Variants in CSNK1D observed in about 807,000 individuals in gnomAD.
CSNK1D encodes casein kinase 1 delta.
CSNK1D carries 16 observed loss-of-function variants against 46.6 expected under a neutral mutation model. The observed-to-expected ratio is 0.34, with a 90% CI of 0.23 to 0.52. The LOEUF (loss-of-function observed/expected upper bound fraction) is 0.52, where lower values mean the gene tolerates loss of function less well. Ranked by LOEUF, CSNK1D falls within the 20% of genes least tolerant of loss-of-function variation. CSNK1D has a pLI of 0.95. For synonymous variants in CSNK1D, 276 were observed against 228.2 expected, an observed-to-expected ratio of 1.21 and a Z score of -1.89; for missense variants, 398 against 578.4, an observed-to-expected ratio of 0.69 and a Z score of 3.20.
rs368699272 is a variant in CSNK1D, at chr17:82,265,806, G to C, written c.77-10C>G. 1 of 1,607,710 alleles carries C rather than the reference G, an allele frequency of 6.2e-7. No individual in the cohort carries two copies. Among genetic ancestry groups the C allele is most frequent in the Non-Finnish European group, 8.5e-7 (1 of 1,174,176 alleles). ...GCAGCAATGTCCGTACCTTGGCAAA[G>C]AAAGAAAACCACAACAGGAATTACC... On this transcript the variant is annotated splice_polypyrimidine_tract_variant and intron_variant, in intron 1 of 8. Coordinates refer to ENST00000314028, the MANE Select transcript of CSNK1D (RefSeq NM_001893.6).
chr17:82,254,508 G>C (rs1422355529), intron 3 of CSNK1D: 75 of 181,476 alleles, frequency 4.1e-4, no homozygotes, highest in African/African-American at 1.3e-3. Context: ...AGAAGCCAGT[G>C]AGCTGAGCCG....
At chr17:82,245,357 G>C in intron 8 of CSNK1D, 1 of 248,836 alleles carries the variant, frequency 4.0e-6, no homozygotes, top group East Asian at 1.0e-4. Flanking sequence ...CGACGGCGGG[G>C]AGTGAGTGGG....
At chr17:82,262,960 G>A (rs969621645) in intron 2 of CSNK1D, among the ~76,000 whole-genome samples, 18 of 152,174 alleles carry the variant, frequency 1.2e-4, no homozygotes, top group Non-Finnish European at 5.9e-5. Context: ...TGGGCAGATC[G>A]CCTGAGATCA....
At position 82,249,880 on chromosome 17, in the gene CSNK1D, A is replaced by G. The variant is rs1358013052; in HGVS notation, c.886-278T>C. The G allele has an allele frequency of 1.4e-6, 2 of 1,379,744 alleles. No individual in the cohort carries two copies. The highest frequency in any genetic ancestry group is 2.8e-5 in the East Asian group (1 of 35,150). 85.5% of individuals were successfully genotyped at this position (1,379,744 alleles called of 1,614,324 possible). Reference sequence around the variant, plus strand: ...GCTCAGAACTTCCTTAAACTTCCAAATGGGCAGCAGCTACCCCCTGCTGCT... The same window carrying G: ...GCTCAGAACTTCCTTAAACTTCCAAGTGGGCAGCAGCTACCCCCTGCTGCT... On this transcript the variant is annotated intron_variant, in intron 6 of 8. Coordinates refer to ENST00000314028, the MANE Select transcript of CSNK1D (RefSeq NM_001893.6). The surrounding 1 kb of genome is among the most constrained non-coding windows in gnomAD (Gnocchi z 6.7).
chr17:82,241,227 G>C (rs2050738005), downstream of CSNK1D, among the ~76,000 whole-genome samples: 1 of 152,206 alleles, frequency 6.6e-6, no homozygotes, highest in African/African-American at 2.4e-5. Context: ...AACAGCCCTG[G>C]AACAGATGTG....
In CSNK1D at chr17:82,252,915, C is replaced by T; in HGVS notation, c.565+101G>A. 8.9e-7 allele frequency: 1 copy of T among 1,118,160 alleles called. No homozygotes were observed. Among genetic ancestry groups the T allele is most frequent in the Non-Finnish European group, 1.3e-6 (1 of 750,736 alleles). 69.3% of individuals were successfully genotyped at this position (1,118,160 alleles called of 1,614,324 possible). ...TCTGCCGCAAAGGTCTGATGACACG[C>T]TTGCAGCCCCAGCTCCCCGAGAGGC... On this transcript the variant is annotated intron_variant, in intron 4 of 8. Transcript: ENST00000314028. The surrounding 1 kb of genome is among the most constrained non-coding windows in gnomAD (Gnocchi z 4.6).
At chr17:82,239,754 CTG>C (rs1318290538), downstream of CSNK1D, 1 of 391,482 alleles carries the variant, frequency 2.6e-6, no homozygotes. Flanking sequence ...TTATTCACTG[CTG>C]TGTTTAAGAA....
In CSNK1D at chr17:82,252,972, C is replaced by T; in HGVS notation, c.565+44G>A. 6.3e-7 allele frequency: 1 copy of T among 1,583,592 alleles called. No homozygotes were observed. The highest frequency in any genetic ancestry group is 8.7e-7 in the Non-Finnish European group (1 of 1,153,712). ...CTCCCTGGGCTGAGGCATGGACGCG[C>T]CCAAAGGCACCCCAGGTCAGTGACC... On this transcript the variant is annotated intron_variant, in intron 4 of 8. Coordinates refer to ENST00000314028, the MANE Select transcript of CSNK1D (RefSeq NM_001893.6). The surrounding 1 kb of genome is among the most constrained non-coding windows in gnomAD (Gnocchi z 4.6).
rs113808140 is a variant in CSNK1D, at chr17:82,259,793, C to T, written c.188-4216G>A. Among the ~76,000 whole-genome samples, 146 of 152,362 alleles carry T rather than the reference C, an allele frequency of 9.6e-4. 1 individual carries two copies. The highest frequency in any genetic ancestry group is 3.2e-3 in the African/African-American group (135 of 41,586). On this transcript the variant is annotated intron_variant, in intron 2 of 8. Transcript: ENST00000314028. ...TCGATGGGGAAGAATCTCAGGAATA[C>T]TCTGGGTCAAAGAAAGGTACAGAAT...
chr17:82,257,409 C>T (rs1184127782), intron 2 of CSNK1D, among the ~76,000 whole-genome samples: 1 of 152,074 alleles, frequency 6.6e-6, no homozygotes, highest in East Asian at 1.9e-4. Context: ...ATAGTTTCTG[C>T]CCTCAGCGTC....
rs1245362257 is a variant in CSNK1D, at chr17:82,251,018, CA to C, written c.885+360del. On this transcript the variant is annotated intron_variant, in intron 6 of 8. Coordinates refer to ENST00000314028, the MANE Select transcript of CSNK1D (RefSeq NM_001893.6). The surrounding 1 kb of genome is among the most constrained non-coding windows in gnomAD (Gnocchi z 4.5). ...GCCCCAACCCCACTCATCTCGTGGG[CA>C]CCACGACCATGTGGCACAGCGAATG... 2.9e-6 allele frequency: 1 copy of C among 350,684 alleles called. No individual in the cohort carries two copies. Among genetic ancestry groups the C allele is most frequent in the Non-Finnish European group, 5.5e-6 (1 of 181,688 alleles). The allele number at this position is 350,684 out of a possible 1,614,324, so 21.7% of individuals were successfully genotyped here.
downstream of CSNK1D, among the ~76,000 whole-genome samples, chr17:82,240,351 G>A (rs1293186592): frequency 6.6e-6 from 1 of 152,182 alleles, no homozygotes; most frequent in Non-Finnish European, 1.5e-5. Flanking sequence ...AGGAGGTGGG[G>A]AGCAGGCAGC....
chr17:82,271,640 C>T (rs929357044), intron 1 of CSNK1D, among the ~76,000 whole-genome samples: 33 of 152,224 alleles, frequency 2.2e-4, no homozygotes, highest in African/African-American at 6.8e-4. Flanking sequence ...TCAAAAGCAA[C>T]AATATGGCAT....
At position 82,255,250 on chromosome 17, in the gene CSNK1D, G is replaced by C. The variant is rs997596040; in HGVS notation, c.336+179C>G. ...CGGAGCCTCGAGAAGCCAGTGAGCG[G>C]AGCCACCGGAGCCTCGAGAAGCCAG... On this transcript the variant is annotated intron_variant, in intron 3 of 8. Transcript: ENST00000314028. The surrounding 1 kb of genome is among the most constrained non-coding windows in gnomAD (Gnocchi z 5.9). 1.7e-5 allele frequency: 13 copies of C among 758,432 alleles called. No individual in the cohort carries two copies. The highest frequency in any genetic ancestry group is 2.7e-5 in the Non-Finnish European group (12 of 443,548). The allele number at this position is 758,432 out of a possible 1,614,324, so 47.0% of individuals were successfully genotyped here. A position where few individuals can be genotyped will look rare whatever the true frequency, so the allele number is the denominator to read the frequency against.
rs780457024 is a variant in CSNK1D at position 82,242,989 on chromosome 17, G to C, written c.*1792C>G. On this transcript the variant is annotated 3_prime_UTR_variant, in exon 9 of 9. Transcript: ENST00000314028. ...TCAGGCCACAGCGCGACGTCTCTCC[G>C]GGTGGGGGACGTCTACCTTCAAGAA... The C allele has an allele frequency of 1.0e-6, 1 of 985,448 alleles. No individual in the cohort carries two copies. The highest frequency in any genetic ancestry group is 1.2e-6 in the Non-Finnish European group (1 of 829,938). 61.0% of individuals were successfully genotyped at this position (985,448 alleles called of 1,614,324 possible).
chr17:82,267,510 C>T (rs1461988339), intron 1 of CSNK1D, among the ~76,000 whole-genome samples: 2 of 152,128 alleles, frequency 1.3e-5, no homozygotes, highest in East Asian at 3.9e-4. Context: ...TCGCCACCAC[C>T]GGGTCACCGC....
At chr17:82,239,166 G>T, downstream of CSNK1D, 1 of 539,696 alleles carries the variant, frequency 1.9e-6, no homozygotes, top group Non-Finnish European at 3.1e-6. Flanking sequence ...TTCCAGAGTG[G>T]ATCTGCGGTG....
At position 82,249,100 on chromosome 17, in the gene CSNK1D, G is replaced by A. The variant is rs768428996; in HGVS notation, c.1058-86C>T. The stretch of plus-strand genomic sequence containing the variant: ...TTCTATGAGAGGCTGTGGCCAGAGA[G>A]GACCCTGGGCTGCCTGGACAGTCAG... On this transcript the variant is annotated intron_variant, in intron 7 of 8. Coordinates refer to ENST00000314028, the MANE Select transcript of CSNK1D (RefSeq NM_001893.6). The surrounding 1 kb of genome is among the most constrained non-coding windows in gnomAD (Gnocchi z 6.7). 1.8e-5 allele frequency: 26 copies of A among 1,485,308 alleles called. No homozygotes were observed. Among genetic ancestry groups the A allele is most frequent in the East Asian group, 1.5e-4 (6 of 40,504 alleles). The allele number at this position is 1,485,308 out of a possible 1,614,324, so 92.0% of individuals were successfully genotyped here.
chr17:82,246,318 T>C, intron 8 of CSNK1D: 1 of 1,341,666 alleles, frequency 7.5e-7, no homozygotes, highest in South Asian at 1.5e-5. Context: ...TAAGAAAACC[T>C]GATCCCAGCA....
Sources: allele counts gnomAD v4.1 joint callset (sites outside exome capture counted in the v4.1 genomes callset), GRCh38; gene constraint gnomAD v4.1.1; non-coding constraint Gnocchi (gnomAD v3.1); transcripts MANE v1.5; gene names NCBI Gene and HGNC (gene_info 2026-07-23, HGNC 2026-07-21).